AGMO: variants seen among roughly 807,000 people sequenced by gnomAD.
AGMO encodes glyceryl-ether monooxygenase.
AGMO carries 75 observed loss-of-function variants against 60.2 expected under a neutral mutation model. That is an observed-to-expected ratio of 1.25 (90% CI 1.03 to 1.51). The LOEUF is 1.51. Among genes scored for constraint, AGMO ranks in the 40% most tolerant of loss-of-function variants. The pLI, the probability that AGMO is intolerant of heterozygous loss-of-function variation, is 0.00. For missense variants in AGMO, 763 were observed against 525.5 expected (o/e 1.45, Z -4.42); for synonymous variants, 261 against 177.1 (o/e 1.47, Z -3.76).
chr7:15,317,977 C>CTT, intron 12 of AGMO, among the ~76,000 whole-genome samples: 1 of 142,952 alleles, frequency 7.0e-6, no homozygotes, highest in African/African-American at 2.8e-5. Context: ...TACACACACA[C>CTT]GTATATATAT....
intron 3 of AGMO, among the ~76,000 whole-genome samples, chr7:15,452,915 T>C (rs1248616414): frequency 6.6e-6 from 1 of 152,192 alleles, no homozygotes; most frequent in African/African-American, 2.4e-5. Flanking sequence ...AAGTGATACA[T>C]GTGCAGTGTG....
At chr7:15,214,202 T>G (rs907588841) in intron 12 of AGMO, among the ~76,000 whole-genome samples, 4 of 152,050 alleles carry the variant, frequency 2.6e-5, no homozygotes, top group Non-Finnish European at 5.9e-5. Flanking sequence ...GTAACCAATA[T>G]TAAATATTGA....
intron 3 of AGMO, among the ~76,000 whole-genome samples, chr7:15,496,960 C>T (rs1410025472): frequency 2.0e-5 from 3 of 152,134 alleles, no homozygotes; most frequent in Non-Finnish European, 2.9e-5. Context: ...TATTTCTCTA[C>T]TATCCAATCT....
chr7:15,274,544 G>A (rs1783721892), intron 12 of AGMO, among the ~76,000 whole-genome samples: 1 of 151,692 alleles, frequency 6.6e-6, no homozygotes, highest in Admixed American at 6.6e-5. Flanking sequence ...ATTTTGTGTT[G>A]TTGTGTCCTT....
intron 2 of AGMO, among the ~76,000 whole-genome samples, chr7:15,546,150 T>C (rs1472575897): frequency 2.6e-5 from 4 of 152,208 alleles, no homozygotes; most frequent in African/African-American, 9.6e-5. Context: ...TTAACTGTGA[T>C]TTAATATCTT....
At chr7:15,434,369 G>T (rs1331736068) in intron 3 of AGMO, among the ~76,000 whole-genome samples, 3 of 152,094 alleles carry the variant, frequency 2.0e-5, no homozygotes, top group Non-Finnish European at 2.9e-5. Flanking sequence ...CAGATTTAGT[G>T]ACTTTCTTCT....
intron 3 of AGMO, among the ~76,000 whole-genome samples, chr7:15,535,548 T>C (rs951509027): frequency 6.6e-6 from 1 of 151,992 alleles, no homozygotes; most frequent in Non-Finnish European, 1.5e-5. Context: ...TTCCACAGCA[T>C]GCCTCACTAC....
chr7:15,283,848 A>T (rs961556773), intron 12 of AGMO, among the ~76,000 whole-genome samples: 2 of 151,892 alleles, frequency 1.3e-5, no homozygotes, highest in African/African-American at 4.8e-5. Context: ...AGTCTTAATG[A>T]AGTTTAAAAA....
intron 12 of AGMO, among the ~76,000 whole-genome samples, chr7:15,217,153 G>C (rs1175697447): frequency 6.6e-6 from 1 of 151,998 alleles, no homozygotes; most frequent in Non-Finnish European, 1.5e-5. Context: ...GAATCTATGA[G>C]GGCTGTGGTA....
chr7:15,416,716 T>C (rs944532757), intron 5 of AGMO, among the ~76,000 whole-genome samples: 1 of 152,172 alleles, frequency 6.6e-6, no homozygotes, highest in African/African-American at 2.4e-5. Context: ...TATTAAACAG[T>C]ATGCAAGTGG....
intron 12 of AGMO, among the ~76,000 whole-genome samples, chr7:15,317,695 G>A (rs1219832330): frequency 6.6e-6 from 1 of 151,840 alleles, no homozygotes; most frequent in Non-Finnish European, 1.5e-5. Context: ...ACTTTCCAAA[G>A]AGATTCAGAA....
At chr7:15,155,435 T>C in the AGMO span, among the ~76,000 whole-genome samples, 3 of 143,120 alleles carry the variant, frequency 2.1e-5, no homozygotes, top group Non-Finnish European at 4.6e-5. Context: ...TTTTTTTTTT[T>C]TTTTTTTTTT....
chr7:15,253,252 A>G (rs1032209905), intron 12 of AGMO, among the ~76,000 whole-genome samples: 2 of 152,170 alleles, frequency 1.3e-5, no homozygotes, highest in African/African-American at 4.8e-5. Context: ...AGGAACAAAA[A>G]AAGTGTGCAT....
chr7:15,195,518 TG>T (rs982988126), downstream of AGMO, among the ~76,000 whole-genome samples: 3 of 152,172 alleles, frequency 2.0e-5, no homozygotes, highest in Non-Finnish European at 4.4e-5. Flanking sequence ...ATTATGCAAA[TG>T]GGTTTTGTAC....
At chr7:15,387,201 C>T (rs146729649) in intron 9 of AGMO, among the ~76,000 whole-genome samples, 13 of 152,318 alleles carry the variant, frequency 8.5e-5, no homozygotes, top group African/African-American at 2.9e-4. Flanking sequence ...AGGTAAAAGG[C>T]AGTGTTCACC....
chr7:15,141,142 T>C, the AGMO span, among the ~76,000 whole-genome samples: 1 of 152,214 alleles, frequency 6.6e-6, no homozygotes, highest in Non-Finnish European at 1.5e-5. Flanking sequence ...CTAGTCCTGA[T>C]GGATTTGACC....
intron 10 of AGMO, among the ~76,000 whole-genome samples, chr7:15,384,894 T>A (rs1209251910): frequency 6.6e-6 from 1 of 150,530 alleles, no homozygotes; most frequent in African/African-American, 2.4e-5. Flanking sequence ...CTAGGTAGTA[T>A]GAGTATTCTT....
chr7:15,192,628 C>A, the AGMO span, among the ~76,000 whole-genome samples: 1 of 152,120 alleles, frequency 6.6e-6, no homozygotes, highest in Non-Finnish European at 1.5e-5. Flanking sequence ...AAAGCTGTCA[C>A]CCTGACTCTC....
chr7:15,430,695 A>G (rs540457402), intron 4 of AGMO, among the ~76,000 whole-genome samples: 3 of 150,762 alleles, frequency 2.0e-5, no homozygotes, highest in Non-Finnish European at 4.4e-5. Flanking sequence ...TTAAATGGAG[A>G]TACCTTATCT....
Sources: gnomAD v4.1 joint callset for allele counts (sites outside exome capture counted in the v4.1 genomes callset) on GRCh38, gnomAD v4.1.1 for gene constraint, MANE v1.5 for transcripts, NCBI Gene and HGNC (gene_info 2026-07-23, HGNC 2026-07-21) for gene names.